SVIL: variants seen among roughly 807,000 people sequenced by gnomAD.
SVIL encodes the protein supervillin, also known as archvillin.
A neutral mutation model predicts 240.4 loss-of-function variants in SVIL; 101 were observed. That is an observed-to-expected ratio of 0.42 (90% CI 0.36 to 0.50). The LOEUF is 0.50. SVIL is among the 20% of genes least tolerant of loss of function. SVIL has a pLI of 0.01. For missense variants in SVIL, 2,512 were observed against 2,818.7 expected (o/e 0.89, Z 2.46); for synonymous variants, 999 against 1,100.0 (o/e 0.91, Z 1.82).
intron 1 of SVIL, among the ~76,000 whole-genome samples, chr10:29,605,062 T>C (rs1307905972): frequency 2.6e-5 from 4 of 152,216 alleles, no homozygotes; most frequent in African/African-American, 7.2e-5. Context: ...TGCAAGCAAA[T>C]ACAAATAGAC....
At chr10:29,522,760 T>A in intron 15 of SVIL, 125 bp from the exon 16 acceptor site, 1 of 1,053,956 alleles carries the variant, frequency 9.5e-7, no homozygotes, top group Non-Finnish European at 1.4e-6. Flanking sequence ...CCCAATCCAC[T>A]GGGATTTATG....
At chr10:29,580,080 G>C (rs1460446642) in intron 1 of SVIL, among the ~76,000 whole-genome samples, 2 of 152,010 alleles carry the variant, frequency 1.3e-5, no homozygotes, top group African/African-American at 2.4e-5. Context: ...TGTAATCCCA[G>C]CACTTTGAGA....
chr10:29,467,834 G>A lies in SVIL; in HGVS notation c.5885C>T (p.Thr1962Ile), dbSNP rs781702848. The change falls in exon 33 of 38, where the codon ACA becomes ATA. Residue 1962 changes from threonine (T) to isoleucine (I), a missense_variant. By Grantham distance (89) the Thr-to-Ile change is moderately conservative. This residue lies in a region of SVIL where 797 missense variants were observed against 925.3 expected (regional missense o/e 0.86). Transcript: ENST00000355867. ...EAGLHSSSKV[T>I]IHECDEGSEP... ...GGAGCCTTCATCACACTCGTGTATT[G>A]TGACTTTGCTGCTACTATGCAGTCC... 2.5e-6 allele frequency: 4 copies of A among 1,614,086 alleles called. No individual in the cohort carries two copies. The highest frequency in any genetic ancestry group is 3.3e-5 in the Admixed American group (2 of 60,002).
chr10:29,536,112 C>T (rs748239255), intron 6 of SVIL, 43 bp from the exon 7 acceptor site: 30 of 1,564,432 alleles, frequency 1.9e-5, no homozygotes, highest in Admixed American at 6.7e-5. Context: ...TCTATTAAAA[C>T]GTCAACATAT....
chr10:29,510,246 C>T (rs1949729305), intron 17 of SVIL, among the ~76,000 whole-genome samples: 1 of 152,160 alleles, frequency 6.6e-6, no homozygotes. Context: ...GCTGGAGCCC[C>T]TCAAATATGT....
chr10:29,727,744 A>C lies in SVIL; in HGVS notation c.-400+8007T>G, dbSNP rs867128351. On this transcript the variant is annotated intron_variant, in intron 1 of 35. Coordinates refer to the SVIL transcript ENST00000375400. ...ATGTGAATTAAGTCGTGAACACAAA[A>C]AAAAAAAAAAAAGAAAAAGTCACAA... 3.1e-3 allele frequency among the ~76,000 whole-genome samples: 315 copies of C among 101,360 alleles called. 2 individuals carry two copies. Among genetic ancestry groups the C allele is most frequent in the Middle Eastern group, 0.031 (6 of 194 alleles). The allele number at this position is 101,360 out of a possible 152,430, so 66.5% of individuals were successfully genotyped here.
intron 16 of SVIL, 116 bp downstream of exon 16, chr10:29,522,294 T>C: frequency 1.0e-6 from 1 of 1,002,352 alleles, no homozygotes; most frequent in Non-Finnish European, 1.5e-6. Context: ...AGCACAGTCC[T>C]GTTAGAAGCT....
chr10:29,613,455 T>G (rs1403633029), intron 1 of SVIL, among the ~76,000 whole-genome samples: 1 of 151,968 alleles, frequency 6.6e-6, no homozygotes, highest in Non-Finnish European at 1.5e-5. Context: ...GCCTCAGCCT[T>G]GCAAAGTGCT....
At chr10:29,551,382 G>A (rs1953318722) in intron 5 of SVIL, 119 bp from the exon 6 acceptor site, 1 of 959,280 alleles carries the variant, frequency 1.0e-6, no homozygotes, top group Admixed American at 3.0e-5. Context: ...TGAAGGACCA[G>A]TTTCTCACCG....
intron 30 of SVIL, 51 bp from the exon 31 acceptor site, chr10:29,471,294 TCC>T: frequency 7.0e-7 from 1 of 1,426,004 alleles, no homozygotes. Context: ...GCTTTCAAAG[TCC>T]TAAAAACAAT....
chr10:29,484,672 T>A lies in SVIL; in HGVS notation c.4939A>T (p.Asn1647Tyr). ...CAGGAGTACCTGGGGATAAGCGGAT[T>A]GCATTCTCCAGGATCCAGGGGATTG... ...DINPLDPGEC[N>Y]PLIPRKGQGR... Residue 1647 changes from asparagine (N) to tyrosine (Y), a missense_variant, in exon 27 of 38, where the codon AAT (asparagine) becomes TAT (tyrosine). By Grantham distance (143) the Asn-to-Tyr change is moderately radical. Around this residue, in one of 3 missense-constraint regions of SVIL, gnomAD observed 797 missense variants for 925.3 expected, o/e 0.86. Transcript: ENST00000355867. The surrounding 1 kb of genome is among the most constrained non-coding windows in gnomAD (Gnocchi z 4.7). The A allele has an allele frequency of 6.2e-7, 1 of 1,612,628 alleles. No homozygotes were observed. The highest frequency in any genetic ancestry group is 8.5e-7 in the Non-Finnish European group (1 of 1,179,432).
At chr10:29,519,166 A>AAAG (rs1403206343) in intron 16 of SVIL, among the ~76,000 whole-genome samples, 1 of 152,224 alleles carries the variant, frequency 6.6e-6, no homozygotes, top group Admixed American at 6.5e-5. Flanking sequence ...ATTCATGAAG[A>AAAG]AAGAAGGTGT....
chr10:29,516,415 TC>T (rs1201437795), intron 16 of SVIL, among the ~76,000 whole-genome samples: 1 of 152,154 alleles, frequency 6.6e-6, no homozygotes, highest in Non-Finnish European at 1.5e-5. Flanking sequence ...GTTCTTCCTG[TC>T]CCTTTAGATT....
At chr10:29,523,331 C>G (rs1418902432) in intron 15 of SVIL, 120 bp downstream of exon 15, 4 of 900,750 alleles carry the variant, frequency 4.4e-6, no homozygotes, top group Non-Finnish European at 6.5e-6. Flanking sequence ...GAACTTTTAA[C>G]CAATACTAGC....
At chr10:29,632,393 A>C (rs1958132376) in intron 1 of SVIL, among the ~76,000 whole-genome samples, 3 of 151,838 alleles carry the variant, frequency 2.0e-5, no homozygotes, top group Admixed American at 2.0e-4. Context: ...AGGGAGGCTG[A>C]GGCAGGAGAA....
intron 1 of SVIL, among the ~76,000 whole-genome samples, chr10:29,583,039 T>C (rs1265988845): frequency 2.0e-5 from 3 of 152,188 alleles, no homozygotes; most frequent in Non-Finnish European, 4.4e-5. Flanking sequence ...GAGAATTTCC[T>C]GTGAGTCTAA....
chr10:29,675,747 A>G (rs929365812), intron 2 of SVIL, among the ~76,000 whole-genome samples: 2 of 152,212 alleles, frequency 1.3e-5, no homozygotes, highest in African/African-American at 4.8e-5. Flanking sequence ...TCTTCGCCCA[A>G]GTGTTACACA....
intron 1 of SVIL, among the ~76,000 whole-genome samples, chr10:29,719,663 C>A (rs1464114859): frequency 6.6e-6 from 1 of 152,120 alleles, no homozygotes; most frequent in African/African-American, 2.4e-5. Flanking sequence ...GAAATAATAT[C>A]TACAATGTGC....
At chr10:29,722,022 T>C (rs1964016482) in intron 1 of SVIL, among the ~76,000 whole-genome samples, 2 of 152,112 alleles carry the variant, frequency 1.3e-5, no homozygotes, top group South Asian at 4.2e-4. Flanking sequence ...CGGATGACCT[T>C]TGGTCAGGAG....
Sources: gnomAD v4.1 joint callset for allele counts (sites outside exome capture counted in the v4.1 genomes callset) on GRCh38, gnomAD v4.1.1 for gene constraint, gnomAD v4.1.1 regional missense constraint, Gnocchi (gnomAD v3.1) non-coding constraint, MANE v1.5 for transcripts, NCBI Gene and HGNC (gene_info 2026-07-23, HGNC 2026-07-21) for gene names.